FAM13C: variants seen among roughly 807,000 people sequenced by gnomAD.
FAM13C encodes the protein family with sequence similarity 13 member C.
Under a neutral mutation model 73.2 loss-of-function variants are expected in FAM13C, and 37 were observed. The ratio of observed to expected loss-of-function variants is 0.51; its 90% confidence interval spans 0.39 to 0.67. FAM13C has a LOEUF of 0.67. Among genes scored for constraint, FAM13C ranks in the 30% least tolerant of loss-of-function variants. The pLI, the probability that FAM13C is intolerant of heterozygous loss-of-function variation, is 0.00. For synonymous variants in FAM13C, 246 were observed against 260.9 expected, an observed-to-expected ratio of 0.94 and a Z score of 0.55; for missense variants, 589 against 715.6, an observed-to-expected ratio of 0.82 and a Z score of 2.02.
At chr10:59,270,240 T>C (rs1843559507) in intron 6 of FAM13C, 131 bp from the exon 7 acceptor site, 2 of 853,778 alleles carry the variant, frequency 2.3e-6, no homozygotes, top group Middle Eastern at 3.6e-4. Context: ...TCTGGGGATA[T>C]GAAAAGCTTT....
intron 5 of FAM13C, among the ~76,000 whole-genome samples, chr10:59,283,934 C>A (rs957054009): frequency 2.0e-5 from 3 of 152,134 alleles, no homozygotes; most frequent in African/African-American, 7.2e-5. Flanking sequence ...GCAAAGACTG[C>A]AGCAAACTGC....
chr10:59,288,555 C>T (rs1046051863), intron 5 of FAM13C, among the ~76,000 whole-genome samples: 2 of 152,160 alleles, frequency 1.3e-5, no homozygotes, highest in African/African-American at 4.8e-5. Flanking sequence ...CCTCACTGTA[C>T]TCACACTAAG....
chr10:59,276,422 AC>A (rs1554816683), intron 6 of FAM13C, among the ~76,000 whole-genome samples: 1 of 152,008 alleles, frequency 6.6e-6, no homozygotes, highest in East Asian at 2.0e-4. Flanking sequence ...AGCATTTACC[AC>A]AGGAGATGAG....
At chr10:59,331,908 GA>G (rs1425422757) in intron 3 of FAM13C, among the ~76,000 whole-genome samples, 2 of 152,168 alleles carry the variant, frequency 1.3e-5, no homozygotes, top group Non-Finnish European at 2.9e-5. Flanking sequence ...CACAGGAAGA[GA>G]AACAGTGTTC....
At chr10:59,362,581 G>T (rs1856549848), upstream of FAM13C, 4 of 1,532,794 alleles carry the variant, frequency 2.6e-6, no homozygotes, top group Non-Finnish European at 3.5e-6. Context: ...TCTACCTTGG[G>T]CTGCTGTCTG....
At chr10:59,271,006 C>T (rs145255935) in intron 6 of FAM13C, among the ~76,000 whole-genome samples, 5 of 152,194 alleles carry the variant, frequency 3.3e-5, no homozygotes, top group East Asian at 1.9e-4. Flanking sequence ...TAAGGGCAGG[C>T]GACTGAGGCA....
intron 4 of FAM13C, among the ~76,000 whole-genome samples, chr10:59,314,124 C>T (rs1211354828): frequency 1.3e-5 from 2 of 152,086 alleles, no homozygotes; most frequent in East Asian, 3.9e-4. Flanking sequence ...TGGGAGAGAG[C>T]TGGGCTCTGA....
At chr10:59,311,329 G>A (rs1185057263) in intron 4 of FAM13C, among the ~76,000 whole-genome samples, 1 of 152,160 alleles carries the variant, frequency 6.6e-6, no homozygotes, top group East Asian at 1.9e-4. Context: ...CATTTTGGAT[G>A]GAATATTGAG....
chr10:59,248,435 G>T (rs1283170876), intron 13 of FAM13C, among the ~76,000 whole-genome samples: 1 of 152,114 alleles, frequency 6.6e-6, no homozygotes, highest in Non-Finnish European at 1.5e-5. Flanking sequence ...TTACTTGGAA[G>T]AATAACTTGG....
At chr10:59,356,279 C>G (rs568087345) in intron 1 of FAM13C, among the ~76,000 whole-genome samples, 1 of 152,260 alleles carries the variant, frequency 6.6e-6, no homozygotes, top group South Asian at 2.1e-4. Context: ...CTGGTTGGCT[C>G]AAAAGAGATT....
chr10:59,284,716 C>A (rs1845350794), intron 5 of FAM13C, among the ~76,000 whole-genome samples: 2 of 150,398 alleles, frequency 1.3e-5, no homozygotes, highest in African/African-American at 5.0e-5. Flanking sequence ...ATCCCTACTC[C>A]CCACACCTAA....
intron 4 of FAM13C, among the ~76,000 whole-genome samples, chr10:59,312,119 G>A (rs910642916): frequency 6.6e-6 from 1 of 151,742 alleles, no homozygotes; most frequent in African/African-American, 2.4e-5. Context: ...GGGCTGGGGG[G>A]TGGGGGTGCG....
In FAM13C at chr10:59,269,999, G is replaced by T; in HGVS notation, c.703C>A (p.Pro235Thr). 6.2e-7 allele frequency: 1 copy of T among 1,613,956 alleles called. No individual in the cohort carries two copies. The change falls in exon 7 of 14, where the codon CCA becomes ACA. Residue 235 changes from proline to threonine, a missense_variant. Pro to Thr is a conservative substitution (Grantham distance 38). Transcript: ENST00000618804. The stretch of plus-strand genomic sequence containing the variant: ...ATGGAGCATCGTGGCGACAGCAGTG[G>T]GTTATCACCATCAGTGATGTGATAG... The part of the protein sequence containing the change: ...LLYHITDGDN[P>T]LLSPRCSIFS...
intron 3 of FAM13C, among the ~76,000 whole-genome samples, chr10:59,331,232 T>A (rs166924): frequency 0.45 from 68,342 of 151,990 alleles, 16,305 homozygotes; most frequent in African/African-American, 0.62. Context: ...ACAAAGTGTG[T>A]GATGCTTTGA....
intron 1 of FAM13C, among the ~76,000 whole-genome samples, chr10:59,361,738 A>T (rs1384342973): frequency 6.6e-6 from 1 of 152,168 alleles, no homozygotes; most frequent in Non-Finnish European, 1.5e-5. Context: ...ATAGCATATA[A>T]ATATCTTTAA....
At chr10:59,348,270 G>GC (rs1322558891) in intron 3 of FAM13C, among the ~76,000 whole-genome samples, 3 of 152,186 alleles carry the variant, frequency 2.0e-5, no homozygotes, top group African/African-American at 4.8e-5. Flanking sequence ...ATGGCAGCAA[G>GC]CATCAGGTAA....
chr10:59,289,842 A>G (rs1251761649), intron 5 of FAM13C, among the ~76,000 whole-genome samples: 1 of 152,040 alleles, frequency 6.6e-6, no homozygotes, highest in African/African-American at 2.4e-5. Context: ...ACCTCAACCC[A>G]GCCCTCTCTG....
intron 6 of FAM13C, among the ~76,000 whole-genome samples, chr10:59,272,569 G>T (rs914838068): frequency 2.6e-5 from 4 of 152,282 alleles, no homozygotes; most frequent in African/African-American, 9.6e-5. Context: ...TTCCCTAGGG[G>T]CACATTACTT....
At chr10:59,340,300 A>G (rs1214017047) in intron 3 of FAM13C, among the ~76,000 whole-genome samples, 1 of 152,202 alleles carries the variant, frequency 6.6e-6, no homozygotes, top group Non-Finnish European at 1.5e-5. Context: ...CCCAGAGATT[A>G]TAATCCTGTC....
Sources: allele counts gnomAD v4.1 joint callset (sites outside exome capture counted in the v4.1 genomes callset), GRCh38; gene constraint gnomAD v4.1.1; transcripts MANE v1.5; gene names NCBI Gene and HGNC (gene_info 2026-07-23, HGNC 2026-07-21).